The following FBXL17 variants were observed in gnomAD, a reference collection of about 807,000 sequenced individuals.
FBXL17 encodes F-box and leucine rich repeat protein 17, also known as F-box/LRR-repeat protein 17.
In FBXL17, 22 loss-of-function variants were observed where a neutral mutation model predicts 66.2. The observed-to-expected ratio is 0.33, with a 90% CI of 0.24 to 0.47. The LOEUF (loss-of-function observed/expected upper bound fraction) is 0.47. Among genes scored for constraint, FBXL17 ranks in the 20% least tolerant of loss-of-function variants. The pLI is 1.00. For synonymous variants in FBXL17, 474 were observed against 400.5 expected (o/e 1.18, Z -2.19); for missense variants, 878 against 948.2 (o/e 0.93, Z 0.97).
chr5:108,162,309 G>C (rs1395043256), intron 6 of FBXL17, among the ~76,000 whole-genome samples: 1 of 151,930 alleles, frequency 6.6e-6, no homozygotes, highest in Admixed American at 6.6e-5. Context: ...ACCAGCCTGA[G>C]TAAGACTCCA....
chr5:108,134,754 C>T (rs950421531), intron 6 of FBXL17, among the ~76,000 whole-genome samples: 1 of 152,122 alleles, frequency 6.6e-6, no homozygotes, highest in Non-Finnish European at 1.5e-5. Context: ...GTTTCCAATC[C>T]TAATTCCAAC....
intron 4 of FBXL17, among the ~76,000 whole-genome samples, chr5:108,282,555 C>T (rs1381828615): frequency 6.6e-6 from 1 of 151,658 alleles, no homozygotes. Context: ...CCACAGCTAA[C>T]ATAATACTAA....
At chr5:108,126,825 G>C (rs1750735080) in intron 6 of FBXL17, among the ~76,000 whole-genome samples, 1 of 151,204 alleles carries the variant, frequency 6.6e-6, no homozygotes, top group South Asian at 2.1e-4. Flanking sequence ...TTCACCTAAA[G>C]ATACATTTAG....
chr5:108,032,478 T>C (rs1213761980), intron 6 of FBXL17, among the ~76,000 whole-genome samples: 1 of 151,704 alleles, frequency 6.6e-6, no homozygotes, highest in Non-Finnish European at 1.5e-5. Flanking sequence ...GATGGAGAGA[T>C]TTTATCTTGG....
intron 7 of FBXL17, among the ~76,000 whole-genome samples, chr5:107,939,227 T>C (rs77065388): frequency 0.03 from 4,584 of 152,182 alleles, 216 homozygotes; most frequent in African/African-American, 0.1. Flanking sequence ...AAGTAATATG[T>C]AGGTAAAAAT....
At chr5:108,325,087 T>C (rs1199920723) in intron 4 of FBXL17, among the ~76,000 whole-genome samples, 6 of 152,058 alleles carry the variant, frequency 3.9e-5, no homozygotes, top group African/African-American at 1.2e-4. Context: ...AAGTTCAGTT[T>C]TGCAAGATAA....
chr5:108,035,194 C>G (rs1580354580), intron 6 of FBXL17, among the ~76,000 whole-genome samples: 1 of 152,050 alleles, frequency 6.6e-6, no homozygotes, highest in East Asian at 1.9e-4. Context: ...GAATCAATGT[C>G]TACAAATAAT....
intron 5 of FBXL17, among the ~76,000 whole-genome samples, chr5:108,201,356 T>C (rs189288980): frequency 3.3e-5 from 5 of 152,222 alleles, no homozygotes; most frequent in African/African-American, 9.6e-5. Context: ...ATAAACAATA[T>C]GTATAGACAC....
At chr5:107,966,783 C>A (rs1345181189) in intron 7 of FBXL17, among the ~76,000 whole-genome samples, 3 of 152,098 alleles carry the variant, frequency 2.0e-5, no homozygotes, top group Non-Finnish European at 2.9e-5. Context: ...ACATCTAGTT[C>A]CCAAATTCCC....
Position 108,364,795 on chromosome 5 carries a change from T to A in FBXL17, c.1317A>T (p.Leu439Phe). ...GGTTGCCTACATGCACTTTCTGAAG[T>A]AAAGGACAGTGAGAGGCAACCGCAA... ...SIIAVASHCP[L>F]LQKVHVGNQD... is the part of the protein sequence containing the mutation. The change falls in exon 3 of 9, where the codon TTA (leucine) becomes TTT (phenylalanine). Residue 439 changes from leucine to phenylalanine, a missense_variant. Physicochemically the swap from Leu to Phe is conservative, Grantham distance 22. Transcript: ENST00000542267. 6.2e-7 allele frequency: 1 copy of A among 1,612,762 alleles called. No homozygotes were observed. The highest frequency in any genetic ancestry group is 8.5e-7 in the Non-Finnish European group (1 of 1,179,058).
intron 4 of FBXL17, among the ~76,000 whole-genome samples, chr5:108,241,444 T>C (rs1187562670): frequency 2.7e-5 from 4 of 150,622 alleles, no homozygotes; most frequent in Admixed American, 1.3e-4. Flanking sequence ...TGAAAATACA[T>C]AGGGGAAACA....
At chr5:108,374,047 A>G (rs553326605) in intron 1 of FBXL17, among the ~76,000 whole-genome samples, 1 of 152,368 alleles carries the variant, frequency 6.6e-6, no homozygotes, top group East Asian at 1.9e-4. Flanking sequence ...AACAATACAT[A>G]TAGCAAAAAC....
chr5:108,356,676 G>A (rs538303479), intron 3 of FBXL17, among the ~76,000 whole-genome samples: 5 of 151,968 alleles, frequency 3.3e-5, no homozygotes, highest in South Asian at 4.2e-4. Context: ...GGGGAGGAGC[G>A]AATAAATAGG....
In FBXL17 at chr5:108,377,069, T is replaced by C. The variant is rs1042371143; in HGVS notation, c.993+3630A>G. Among the ~76,000 whole-genome samples the C allele has an allele frequency of 2.0e-5, 3 of 152,232 alleles. No individual in the cohort carries two copies. In the South Asian group the frequency reaches 6.2e-4, roughly 32 times the overall value. ...CTGGCTTTCTAGAGAAGTCATTCTG[T>C]GTCTGAATATCTTAGTTTTCAGCTA... On this transcript the variant is annotated intron_variant, in intron 1 of 8. Coordinates refer to ENST00000542267, the MANE Select transcript of FBXL17 (RefSeq NM_001163315.3).
In FBXL17 at chr5:107,947,419, T is replaced by C. The variant is rs1247157240; in HGVS notation, c.1823-66240A>G. 3.3e-5 allele frequency among the ~76,000 whole-genome samples: 5 copies of C among 152,242 alleles called. No individual in the cohort carries two copies. In the East Asian group the frequency reaches 9.6e-4, roughly 29 times the overall value. On this transcript the variant is annotated intron_variant, in intron 7 of 8. Transcript: ENST00000542267. ...GGCCACTTGGCAACTTTGGCTCACC[T>C]TGACCCCTAGGTTTGTGGGTGCTTA... is the stretch of plus-strand genomic sequence containing the variant.
intron 7 of FBXL17, among the ~76,000 whole-genome samples, chr5:108,002,102 G>A (rs943104937): frequency 4.0e-5 from 6 of 151,170 alleles, no homozygotes; most frequent in Non-Finnish European, 7.4e-5. Flanking sequence ...TGCAACCTCC[G>A]CCTCCCGGAT....
intron 6 of FBXL17, among the ~76,000 whole-genome samples, chr5:108,079,811 C>A (rs1561399687): frequency 1.3e-5 from 2 of 152,168 alleles, no homozygotes; most frequent in African/African-American, 4.8e-5. Context: ...CTCATGTTAA[C>A]TACCCAGCAA....
rs1167338016 is a variant in FBXL17, at chr5:108,235,921, T to C, written c.1507-11693A>G. 2.0e-5 allele frequency among the ~76,000 whole-genome samples: 3 copies of C among 152,324 alleles called. No homozygotes were observed. In the East Asian group the frequency reaches 5.8e-4, roughly 29 times the overall value. On this transcript the variant is annotated intron_variant, in intron 4 of 8. Transcript: ENST00000542267. ...TTGATGCAAAGAAAAACAGAACTAT[T>C]GATTTTATTGGTTCCATGTGGCACA...
Position 108,381,116 on chromosome 5 carries a change from G to A in FBXL17, c.576C>T (p.Pro192=), listed in dbSNP as rs1433585300. 5.3e-6 allele frequency: 7 copies of A among 1,324,258 alleles called. No homozygotes were observed. Among genetic ancestry groups the A allele is most frequent in the African/African-American group, 3.1e-5 (2 of 65,178 alleles). 82.0% of individuals were successfully genotyped at this position (1,324,258 alleles called of 1,614,324 possible). A position where few individuals can be genotyped will look rare whatever the true frequency, so the allele number is the denominator to read the frequency against. Residue 192 remains proline, a synonymous_variant, in exon 1 of 9, where the codon CCC becomes CCT. Coordinates refer to ENST00000542267, the MANE Select transcript of FBXL17 (RefSeq NM_001163315.3). ...PTPSPAELPT[P]PEMVCKRKGA... ...CCTTCCGCTTGCACACCATTTCGGG[G>A]GGCGTAGGGAGCTCGGCCGGTGACG... is the stretch of plus-strand genomic sequence containing the variant.
Sources: allele counts gnomAD v4.1 joint callset (sites outside exome capture counted in the v4.1 genomes callset), GRCh38; gene constraint gnomAD v4.1.1; transcripts MANE v1.5; gene names NCBI Gene and HGNC (gene_info 2026-07-23, HGNC 2026-07-21).